Variants in TNPO3 observed in about 807,000 individuals in gnomAD.
TNPO3 encodes the protein transportin 3.
Under a neutral mutation model 122.8 loss-of-function variants are expected in TNPO3, and 65 were observed. The observed-to-expected ratio is 0.53, with a 90% CI of 0.43 to 0.65. TNPO3 has a LOEUF of 0.65. Among genes scored for constraint, TNPO3 ranks in the 30% least tolerant of loss-of-function variants. TNPO3 has a pLI of 0.00. For missense variants in TNPO3, 850 were observed against 1,136.7 expected (o/e 0.75, Z 3.63); for synonymous variants, 372 against 411.2 (o/e 0.90, Z 1.15).
intron 1 of TNPO3, among the ~76,000 whole-genome samples, chr7:129,041,379 G>A (rs1283977737): frequency 6.6e-6 from 1 of 152,048 alleles, no homozygotes; most frequent in Non-Finnish European, 1.5e-5. Context: ...AAAACAAAAT[G>A]AAATCTTGTT....
chr7:129,015,581 T>A (rs1401415202), intron 3 of TNPO3, among the ~76,000 whole-genome samples: 1 of 152,216 alleles, frequency 6.6e-6, no homozygotes, highest in Non-Finnish European at 1.5e-5. Flanking sequence ...ATGCTTATGA[T>A]CCCAGCACTT....
At chr7:129,018,199 T>A in intron 1 of TNPO3, 42 bp from the exon 2 acceptor site, 1 of 1,590,106 alleles carries the variant, frequency 6.3e-7, no homozygotes, top group Non-Finnish European at 8.6e-7. Context: ...GAAGACTACT[T>A]TTCTAATTTT....
chr7:128,986,874 C>A lies in TNPO3; in HGVS notation c.1545G>T (p.Leu515=). 1 of 1,613,784 alleles carries A rather than the reference C, an allele frequency of 6.2e-7. No homozygotes were observed. The highest frequency in any genetic ancestry group is 8.5e-7 in the Non-Finnish European group (1 of 1,179,924). ...GAATGGCTTTGGCTGCAGCAGAAGC[C>A]AGGGGCTTTTCACACAGGCCTTTCA... ...YLMKGLCEKP[L]ASAAAKAIHN... is the part of the protein sequence containing the mutation. The change falls in exon 12 of 23, where the codon CTG becomes CTT. Residue 515 remains leucine (L), a synonymous_variant. Coordinates refer to ENST00000265388, the MANE Select transcript of TNPO3 (RefSeq NM_012470.4).
At chr7:129,038,473 T>C (rs140143432) in intron 1 of TNPO3, among the ~76,000 whole-genome samples, 2,320 of 152,300 alleles carry the variant, frequency 0.015, 31 homozygotes, top group Non-Finnish European at 0.024. Context: ...AGCAATCCCA[T>C]TACTGGATGT....
chr7:129,037,937 G>A (rs1174171638), intron 1 of TNPO3, among the ~76,000 whole-genome samples: 2 of 152,046 alleles, frequency 1.3e-5, no homozygotes, highest in Non-Finnish European at 2.9e-5. Flanking sequence ...AATGACACAA[G>A]AAAAACTAGG....
At chr7:129,036,285 A>T (rs938256575) in intron 1 of TNPO3, among the ~76,000 whole-genome samples, 2 of 151,936 alleles carry the variant, frequency 1.3e-5, no homozygotes, top group Non-Finnish European at 2.9e-5. Context: ...CAGGGTCTTG[A>T]CATGGTTGCC....
chr7:129,018,933 G>A (rs772785856), intron 1 of TNPO3, among the ~76,000 whole-genome samples: 5 of 152,162 alleles, frequency 3.3e-5, no homozygotes, highest in Non-Finnish European at 7.3e-5. Context: ...TGGCCAGACT[G>A]ATCTTGAACT....
rs752276479 is a variant in TNPO3, at chr7:128,972,446, G to C, written c.2410C>G (p.His804Asp). The change falls in exon 19 of 23, where the codon CAT becomes GAT. Residue 804 changes from histidine (H) to aspartate (D), a missense_variant. Coordinates refer to ENST00000265388, the MANE Select transcript of TNPO3 (RefSeq NM_012470.4). ...SVMRFLRDLI[H>D]TGVANDHEED... is the part of the protein sequence containing the mutation. ...CTTACATCATTGGCTACCCCTGTAT[G>C]AATGAGGTCTCGTAGAAACCTCATG... is the stretch of plus-strand genomic sequence containing the variant. 6.2e-7 allele frequency: 1 copy of C among 1,613,660 alleles called. No homozygotes were observed. Among genetic ancestry groups the C allele is most frequent in the South Asian group, 1.1e-5 (1 of 90,958 alleles).
At chr7:128,985,727 T>C (rs1225318365) in intron 12 of TNPO3, among the ~76,000 whole-genome samples, 3 of 152,144 alleles carry the variant, frequency 2.0e-5, no homozygotes, top group African/African-American at 7.2e-5. Context: ...CACTAGAAAA[T>C]GACAAGAATA....
intron 21 of TNPO3, among the ~76,000 whole-genome samples, chr7:128,959,190 G>T (rs1045530317): frequency 3.3e-5 from 5 of 152,194 alleles, no homozygotes; most frequent in Non-Finnish European, 4.4e-5. Context: ...CCAATGTCAG[G>T]AAGGAGGAAG....
Position 129,000,327 on chromosome 7 carries a change from T to C in TNPO3, c.1011+102A>G, listed in dbSNP as rs145595118. 7.3e-5 allele frequency: 93 copies of C among 1,266,350 alleles called. No individual in the cohort carries two copies. In the East Asian group the frequency reaches 2.0e-3, roughly 28 times the overall value. The allele number at this position is 1,266,350 out of a possible 1,614,324, so 78.4% of individuals were successfully genotyped here. On this transcript the variant is annotated intron_variant, in intron 7 of 22. Coordinates refer to ENST00000265388, the MANE Select transcript of TNPO3 (RefSeq NM_012470.4). ...ATCACATTAATTAAAAACAAGACTG[T>C]AATTTCTCAACAATAAAAATTTGGG...
intron 1 of TNPO3, chr7:129,030,248 T>C (rs1805771716): frequency 4.5e-6 from 1 of 224,046 alleles, no homozygotes. Flanking sequence ...CTTGATCAGA[T>C]TGTTGAGCAC....
Position 129,015,056 on chromosome 7 carries a change from AG to A in TNPO3, c.474del (p.Leu159TyrfsTer12). 6.2e-7 allele frequency: 1 copy of A among 1,613,124 alleles called. No homozygotes were observed. The highest frequency in any genetic ancestry group is 8.5e-7 in the Non-Finnish European group (1 of 1,179,870). Reference sequence around the variant, plus strand: ...GTGCGCCGATTAGCTCCAATTCGTAAGGAACGACTATGTACTTCTTCAGGTA... The same window carrying A: ...GTGCGCCGATTAGCTCCAATTCGTAAGAACGACTATGTACTTCTTCAGGTA... ...TVLPEEVHSR[S>X]LRIGANRRTE... On this transcript the variant is annotated frameshift_variant, in exon 4 of 23. Coordinates refer to ENST00000265388, the MANE Select transcript of TNPO3 (RefSeq NM_012470.4). LOFTEE classifies it high-confidence loss of function.
At chr7:128,978,958 G>A (rs774653295) in intron 16 of TNPO3, 25 bp downstream of exon 16, 37 of 1,612,198 alleles carry the variant, frequency 2.3e-5, no homozygotes, top group South Asian at 1.3e-4. Context: ...CATGGAACAC[G>A]TCCCCCCGCA....
chr7:128,979,825 T>A (rs1003314714), intron 15 of TNPO3, 146 bp downstream of exon 15: 2 of 729,512 alleles, frequency 2.7e-6, no homozygotes, highest in Admixed American at 4.4e-5. Context: ...TTTGGATGGC[T>A]CTGTCCCTCA....
At chr7:128,957,723 G>A (rs1797034355) in intron 21 of TNPO3, among the ~76,000 whole-genome samples, 2 of 152,220 alleles carry the variant, frequency 1.3e-5, no homozygotes, top group Non-Finnish European at 2.9e-5. Flanking sequence ...TTCAATAAAT[G>A]TAGGCTGCTA....
chr7:129,014,321 G>A (rs925073283), intron 4 of TNPO3, among the ~76,000 whole-genome samples: 2 of 152,122 alleles, frequency 1.3e-5, no homozygotes, highest in African/African-American at 2.4e-5. Context: ...TCAGGAGTTC[G>A]AGGCCAGCCT....
intron 21 of TNPO3, among the ~76,000 whole-genome samples, chr7:128,963,045 C>T (rs2128983378): frequency 6.6e-6 from 1 of 152,212 alleles, no homozygotes; most frequent in South Asian, 2.1e-4. Context: ...GAGACATGCC[C>T]CAGCTAGTTT....
At chr7:128,977,939 A>C (rs1799242513) in intron 16 of TNPO3, among the ~76,000 whole-genome samples, 1 of 152,000 alleles carries the variant, frequency 6.6e-6, no homozygotes, top group African/African-American at 2.4e-5. Context: ...TAAAATCTGC[A>C]CCCTAGGTGC....
Sources: gnomAD v4.1 joint callset for allele counts (sites outside exome capture counted in the v4.1 genomes callset) on GRCh38, gnomAD v4.1.1 for gene constraint, MANE v1.5 for transcripts, NCBI Gene and HGNC (gene_info 2026-07-23, HGNC 2026-07-21) for gene names.